PIEZO1: variants seen among roughly 807,000 people sequenced by gnomAD.
The protein encoded by PIEZO1 is piezo-type mechanosensitive ion channel component 1.
In PIEZO1, 296 loss-of-function variants were observed where a neutral mutation model predicts 297.2. That is an observed-to-expected ratio of 1.00 (90% confidence interval 0.91 to 1.10). PIEZO1 has a LOEUF of 1.10. Among genes scored for constraint, PIEZO1 ranks in the 50% least tolerant of loss-of-function variants. The pLI is 0.00. For missense variants in PIEZO1, 5,018 were observed against 3,455.5 expected (o/e 1.45, Z -11.34); for synonymous variants, 2,427 against 1,507.5 (o/e 1.61, Z -14.13).
At chr16:88,778,040 G>A (rs913920967) in intron 1 of PIEZO1, among the ~76,000 whole-genome samples, 13 of 152,216 alleles carry the variant, frequency 8.5e-5, no homozygotes, top group African/African-American at 2.7e-4. Flanking sequence ...ATCTGTTTAA[G>A]TCACAGTTGA....
intron 22 of PIEZO1, among the ~76,000 whole-genome samples, chr16:88,729,279 CCCACAGCCCCA>C (rs1904649579): frequency 3.4e-5 from 2 of 58,360 alleles, no homozygotes; most frequent in African/African-American, 1.1e-4. Context: ...ACATGCTGAA[CCCACAGCCCCA>C]TCTGCCACAG....
chr16:88,761,614 G>A (rs888838430), intron 1 of PIEZO1, among the ~76,000 whole-genome samples: 4 of 152,146 alleles, frequency 2.6e-5, no homozygotes, highest in Non-Finnish European at 5.9e-5. Context: ...ATGGTACTTG[G>A]GGTCCGCAGT....
intron 1 of PIEZO1, among the ~76,000 whole-genome samples, chr16:88,765,005 C>T (rs976109630): frequency 2.0e-5 from 3 of 152,228 alleles, no homozygotes; most frequent in Non-Finnish European, 4.4e-5. Context: ...AGCTACCTGG[C>T]CCTGGCAGAC....
chr16:88,742,942 AAGG>A, intron 2 of PIEZO1: 2 of 393,570 alleles, frequency 5.1e-6, no homozygotes, highest in Non-Finnish European at 1.0e-5. Flanking sequence ...GAGGGGCTGC[AAGG>A]AGAAGTTGCA....
In PIEZO1 at chr16:88,716,654, CAGCGCCCCGG is replaced by C; in HGVS notation, c.6821_6830del (p.Ser2274CysfsTer12). On this transcript the variant is annotated frameshift_variant, in exon 47 of 51. Coordinates refer to ENST00000301015, the MANE Select transcript of PIEZO1 (RefSeq NM_001142864.4). LOFTEE classifies it high-confidence loss of function. ...CACGGCTGGGGGGACTGATGCGCCA[CAGCGCCCCGG>C]AGCTGCCCTCAATCTGCGCCGTGAC... 6.5e-7 allele frequency: 1 copy of C among 1,549,520 alleles called. No individual in the cohort carries two copies. The highest frequency in any genetic ancestry group is 8.7e-7 in the Non-Finnish European group (1 of 1,146,932).
Position 88,735,045 on chromosome 16 carries a change from G to T in PIEZO1, c.1678C>A (p.Arg560=). Residue 560 remains arginine, a synonymous_variant, in exon 14 of 51, where the codon CGG becomes AGG. Transcript: ENST00000301015. ...EVTVADTEPT[R]TQTLLQSLGE... ...AGGCTCTGCAACAGCGTCTGCGTCC[G>T]CGTGGGCTCTGTGGGCCAAGCCAGG... 1 of 1,550,374 alleles carries T rather than the reference G, an allele frequency of 6.5e-7. No homozygotes were observed. The highest frequency in any genetic ancestry group is 8.7e-7 in the Non-Finnish European group (1 of 1,146,934).
intron 22 of PIEZO1, 123 bp downstream of exon 22, chr16:88,731,583 G>A (rs897438182): frequency 2.0e-5 from 14 of 699,544 alleles, no homozygotes; most frequent in East Asian, 5.4e-5. Context: ...AGAGAGGAGG[G>A]ACTGGAGGAG....
intron 44 of PIEZO1, chr16:88,717,988 T>G (rs536703835): frequency 3.0e-6 from 1 of 334,812 alleles, no homozygotes; most frequent in South Asian, 2.4e-5. Flanking sequence ...GAGGCTGAGG[T>G]GGGAGAATCG....
Position 88,715,526 on chromosome 16 carries a change from C to T in PIEZO1, c.*79G>A, listed in dbSNP as rs997942023. ...GCCTTGGACGGGGCAGTGGCTCCCC[C>T]GGCCTGAGGAGTGCCGCCCCTTGTG... On this transcript the variant is annotated 3_prime_UTR_variant, in exon 51 of 51. Transcript: ENST00000301015. The T allele has an allele frequency of 7.8e-6, 11 of 1,405,152 alleles. No individual in the cohort carries two copies. The highest frequency in any genetic ancestry group is 2.5e-5 in the East Asian group (1 of 40,106). The allele number at this position is 1,405,152 out of a possible 1,614,324, so 87.0% of individuals were successfully genotyped here. A position where few individuals can be genotyped will look rare whatever the true frequency, so the allele number is the denominator to read the frequency against.
chr16:88,736,517 G>A, intron 11 of PIEZO1, 109 bp from the exon 12 acceptor site: 1 of 598,780 alleles, frequency 1.7e-6, no homozygotes, highest in South Asian at 2.0e-5. Flanking sequence ...CCCCACCCAG[G>A]CGATGCCCCA....
Position 88,727,547 on chromosome 16 carries a change from G to C in PIEZO1, c.3301+10C>G, listed in dbSNP as rs1371671703. 16 of 1,181,172 alleles carry C rather than the reference G, an allele frequency of 1.4e-5. No homozygotes were observed. Among genetic ancestry groups the C allele is most frequent in the Non-Finnish European group, 1.9e-5 (16 of 830,214 alleles). The allele number at this position is 1,181,172 out of a possible 1,614,324, so 73.2% of individuals were successfully genotyped here. A position where few individuals can be genotyped will look rare whatever the true frequency, so the allele number is the denominator to read the frequency against. On this transcript the variant is annotated intron_variant, in intron 23 of 50. Coordinates refer to ENST00000301015, the MANE Select transcript of PIEZO1 (RefSeq NM_001142864.4). ...CCTCTGCAGAGGCGGGGGTGGTGGG[G>C]GGCACTCACTGATGAGGTTGGTGGA...
chr16:88,776,399 A>G (rs1386158261), intron 1 of PIEZO1, among the ~76,000 whole-genome samples: 1 of 151,656 alleles, frequency 6.6e-6, no homozygotes, highest in Admixed American at 6.6e-5. Context: ...GGGCCACTGC[A>G]CTCCAGCCAG....
chr16:88,727,584 G>T lies in PIEZO1; in HGVS notation c.3274C>A (p.Arg1092=). The change falls in exon 23 of 51, where the codon CGG becomes AGG. Residue 1092 remains arginine (R), a synonymous_variant. Transcript: ENST00000301015. The stretch of plus-strand genomic sequence containing the variant: ...ATGAGGTTGGTGGAGTTGGGGGCCC[G>T]GAAGAAATCAGGCAGGTACAGCCAC... ...IKWLYLPDFF[R]APNSTNLISD... is the part of the protein sequence containing the mutation. The T allele has an allele frequency of 6.5e-7, 1 of 1,530,318 alleles. No homozygotes were observed. Among genetic ancestry groups the T allele is most frequent in the Non-Finnish European group, 8.8e-7 (1 of 1,133,316 alleles). 94.8% of individuals were successfully genotyped at this position (1,530,318 alleles called of 1,614,324 possible).
At chr16:88,754,899 C>G (rs1386716653) in intron 1 of PIEZO1, among the ~76,000 whole-genome samples, 2 of 152,238 alleles carry the variant, frequency 1.3e-5, no homozygotes, top group Admixed American at 1.3e-4. Flanking sequence ...GAACGAACGC[C>G]CCGGCGTGCC....
chr16:88,715,953 G>A lies in PIEZO1; in HGVS notation c.7296C>T (p.Leu2432=), dbSNP rs770448614. Residue 2432 remains leucine (L), a synonymous_variant, in exon 50 of 51, where the codon CTC becomes CTT. Coordinates refer to ENST00000301015, the MANE Select transcript of PIEZO1 (RefSeq NM_001142864.4). Reference sequence around the variant, plus strand: ...CTCACCCGTAGCCAGCCAGGAAGCCGAGGCTCGGTGGGCTGACCTTGTCAC... The same window carrying A: ...CTCACCCGTAGCCAGCCAGGAAGCCAAGGCTCGGTGGGCTGACCTTGTCAC... ...IFSDKVSPPS[L]GFLAGYGIMG... 141 of 1,549,562 alleles carry A rather than the reference G, an allele frequency of 9.1e-5. No individual in the cohort carries two copies. Among genetic ancestry groups the A allele is most frequent in the Non-Finnish European group, 1.1e-4 (123 of 1,146,508 alleles).
At chr16:88,731,995 T>C in intron 21 of PIEZO1, 85 bp from the exon 22 acceptor site, 1 of 7,126 alleles carries the variant, frequency 1.4e-4, no homozygotes, top group Non-Finnish European at 2.3e-4. Context: ...GCCTCAGGCT[T>C]GCAGCAGCCC....
At chr16:88,782,893 A>T (rs1907999698) in intron 1 of PIEZO1, among the ~76,000 whole-genome samples, 1 of 152,202 alleles carries the variant, frequency 6.6e-6, no homozygotes, top group Non-Finnish European at 1.5e-5. Context: ...CATCTCCCCC[A>T]GGTGACTGAG....
intron 1 of PIEZO1, among the ~76,000 whole-genome samples, chr16:88,753,539 A>G (rs1002473415): frequency 3.3e-5 from 5 of 152,022 alleles, no homozygotes; most frequent in African/African-American, 1.2e-4. Context: ...GTAGCCGGCT[A>G]GCAGGGCAGG....
chr16:88,725,000 T>TG lies in PIEZO1; in HGVS notation c.4234+8dup, dbSNP rs752594137. On this transcript the variant is annotated intron_variant, in intron 30 of 50. Transcript: ENST00000301015. Reference sequence around the variant, plus strand: ...AGAGGGTGGCCACAGGCGGCCTAATTGGGGGTACCTGTGGCGTGGTCCAGC... The same window carrying TG: ...AGAGGGTGGCCACAGGCGGCCTAATTGGGGGGTACCTGTGGCGTGGTCCAGC... 1.4e-5 allele frequency: 20 copies of TG among 1,461,310 alleles called. 1 individual carries two copies. In the South Asian group the frequency reaches 2.1e-4, roughly 15 times the overall value. 90.5% of individuals were successfully genotyped at this position (1,461,310 alleles called of 1,614,324 possible). A position where few individuals can be genotyped will look rare whatever the true frequency, so the allele number is the denominator to read the frequency against.
Sources: gnomAD v4.1 joint callset for allele counts (sites outside exome capture counted in the v4.1 genomes callset) on GRCh38, gnomAD v4.1.1 for gene constraint, MANE v1.5 for transcripts, NCBI Gene and HGNC (gene_info 2026-07-23, HGNC 2026-07-21) for gene names.